TRIM9: variants seen among roughly 807,000 people sequenced by gnomAD.
TRIM9 encodes E3 ubiquitin-protein ligase TRIM9.
In TRIM9, 26 loss-of-function variants were observed where a neutral mutation model predicts 78.3. That is an observed-to-expected ratio of 0.33 (90% CI 0.24 to 0.46). The LOEUF (loss-of-function observed/expected upper bound fraction) is 0.46. Ranked by LOEUF, TRIM9 falls within the 20% of genes least tolerant of loss-of-function variation. The pLI is 1.00. For missense variants in TRIM9, 787 were observed against 1,036.4 expected, an observed-to-expected ratio of 0.76 and a Z score of 3.30; for synonymous variants, 398 against 416.5, an observed-to-expected ratio of 0.96 and a Z score of 0.54.
At position 50,988,855 on chromosome 14, in the gene TRIM9, A is replaced by T. The variant is rs2053101394; in HGVS notation, c.1604-2711T>A. On this transcript the variant is annotated intron_variant, in intron 7 of 12. Coordinates refer to ENST00000684578, the MANE Select transcript of TRIM9 (RefSeq NM_001387360.1). ...TCTATACCACTTCACATTACCTTAG[A>T]TTTCAGGAGTCTTAGAGGGAAGAAA... is the stretch of plus-strand genomic sequence containing the variant. 1.3e-5 allele frequency among the ~76,000 whole-genome samples: 2 copies of T among 152,110 alleles called. 1 individual carries two copies. The highest frequency in any genetic ancestry group is 4.1e-4 in the South Asian group (2 of 4,826).
chr14:51,042,431 T>G (rs1451903500), intron 1 of TRIM9, among the ~76,000 whole-genome samples: 1 of 152,236 alleles, frequency 6.6e-6, no homozygotes, highest in Non-Finnish European at 1.5e-5. Context: ...TCAGTGAAAT[T>G]CACTCACATT....
At chr14:51,027,880 A>T (rs2058396858) in intron 1 of TRIM9, among the ~76,000 whole-genome samples, 2 of 151,596 alleles carry the variant, frequency 1.3e-5, no homozygotes, top group African/African-American at 2.4e-5. Flanking sequence ...GGACTACCAT[A>T]GTTTTCTTCC....
chr14:51,032,860 G>C (rs944158818), intron 1 of TRIM9, among the ~76,000 whole-genome samples: 1 of 152,198 alleles, frequency 6.6e-6, no homozygotes, highest in Non-Finnish European at 1.5e-5. Flanking sequence ...TCCCTGTTCT[G>C]AAAATCCAAA....
intron 1 of TRIM9, among the ~76,000 whole-genome samples, chr14:51,054,805 C>T (rs189651336): frequency 3.9e-4 from 60 of 152,150 alleles, no homozygotes; most frequent in African/African-American, 1.4e-3. Context: ...TCCCAAAGTG[C>T]TGCGATTACA....
intron 1 of TRIM9, among the ~76,000 whole-genome samples, chr14:51,039,103 C>A (rs1327862330): frequency 2.0e-5 from 3 of 152,156 alleles, no homozygotes; most frequent in African/African-American, 7.2e-5. Context: ...AACACCGATG[C>A]AAAGATTGGC....
intron 3 of TRIM9, among the ~76,000 whole-genome samples, chr14:51,018,936 A>C (rs962965151): frequency 3.3e-5 from 5 of 152,268 alleles, no homozygotes; most frequent in Non-Finnish European, 7.3e-5. Context: ...TAGAGAGAAC[A>C]CATTTAAGAC....
intron 1 of TRIM9, among the ~76,000 whole-genome samples, chr14:51,077,673 C>A (rs1246235240): frequency 6.6e-6 from 1 of 152,158 alleles, no homozygotes; most frequent in Non-Finnish European, 1.5e-5. Context: ...GGATTACAGG[C>A]ATGAGTCACC....
At position 51,053,686 on chromosome 14, in the gene TRIM9, C is replaced by T. The variant is rs1414479785; in HGVS notation, c.823-28326G>A. The stretch of plus-strand genomic sequence containing the variant: ...TATGTATACATGTGCCATGTTGGTG[C>T]GCTGCACCCACTAACGTGTCATCTA... On this transcript the variant is annotated intron_variant, in intron 1 of 12. Coordinates refer to ENST00000684578, the MANE Select transcript of TRIM9 (RefSeq NM_001387360.1). 2.1e-4 allele frequency among the ~76,000 whole-genome samples: 31 copies of T among 145,358 alleles called. 1 individual carries two copies. The East Asian group carries it at 3.2e-3, about 15-fold the overall frequency.
intron 1 of TRIM9, among the ~76,000 whole-genome samples, chr14:51,045,599 G>A (rs1464302774): frequency 6.6e-6 from 1 of 152,138 alleles, no homozygotes; most frequent in Non-Finnish European, 1.5e-5. Flanking sequence ...ATCCACATTG[G>A]TAAAGAGTAA....
intron 1 of TRIM9, among the ~76,000 whole-genome samples, chr14:51,058,304 T>G (rs537286252): frequency 4.4e-4 from 67 of 152,306 alleles, no homozygotes; most frequent in Non-Finnish European, 8.7e-4. Context: ...ACTCAGGTGA[T>G]GTGAGGCTCA....
At chr14:50,991,773 G>C (rs187387399) in intron 7 of TRIM9, among the ~76,000 whole-genome samples, 1 of 152,320 alleles carries the variant, frequency 6.6e-6, no homozygotes, top group Non-Finnish European at 1.5e-5. Context: ...GTCCTCAGCT[G>C]TAAGTCCATG....
At chr14:51,058,222 T>C (rs2061043885) in intron 1 of TRIM9, among the ~76,000 whole-genome samples, 1 of 152,186 alleles carries the variant, frequency 6.6e-6, no homozygotes, top group Non-Finnish European at 1.5e-5. Flanking sequence ...GGCACAATCA[T>C]GGAACTCAGA....
At chr14:50,997,110 T>A in intron 7 of TRIM9, 1 of 984,890 alleles carries the variant, frequency 1.0e-6, no homozygotes, top group Non-Finnish European at 1.2e-6. Context: ...GGTGGGGGGG[T>A]GATTTCTTTG....
At position 51,009,111 on chromosome 14, in the gene TRIM9, G is replaced by A; in HGVS notation, c.1275C>T (p.Ser425=). The part of the protein sequence containing the change: ...LSLDNSPLLQ[S]IHQLDFVQVK... ...CTTGCACGAAATCCAGCTGGTGGAT[G>A]GATTGCAGCAGAGGGCTGTTGTCCA... The change falls in exon 5 of 13, where the codon TCC becomes TCT. Residue 425 remains serine (S), a synonymous_variant. Coordinates refer to ENST00000684578, the MANE Select transcript of TRIM9 (RefSeq NM_001387360.1). 1 of 1,614,056 alleles carries A rather than the reference G, an allele frequency of 6.2e-7. No homozygotes were observed. The highest frequency in any genetic ancestry group is 8.5e-7 in the Non-Finnish European group (1 of 1,179,936).
intron 7 of TRIM9, chr14:50,996,531 C>T: frequency 2.0e-6 from 2 of 985,414 alleles, no homozygotes; most frequent in Non-Finnish European, 1.2e-6. Context: ...CACATATTAG[C>T]AACATTGCTA....
Position 50,978,758 on chromosome 14 carries a change from G to GTTT in TRIM9, c.2325+626_2325+628dup, listed in dbSNP as rs56170539. The GTTT allele has an allele frequency of 5.8e-4, 214 of 366,688 alleles. 1 individual carries two copies. The highest frequency in any genetic ancestry group is 6.7e-4 in the South Asian group (6 of 8,910). 22.7% of individuals were successfully genotyped at this position (366,688 alleles called of 1,614,324 possible). The stretch of plus-strand genomic sequence containing the variant: ...TTCTATGAAGGCAAGATTTTTATCT[G>GTTT]TTTTTTTGTTTTTTTTTTTCACTGA... On this transcript the variant is annotated intron_variant, in intron 12 of 12. Transcript: ENST00000684578.
At position 51,094,918 on chromosome 14, in the gene TRIM9, A is replaced by C; in HGVS notation, c.22T>G (p.Leu8Val). Residue 8 changes from leucine to valine, a missense_variant, in exon 1 of 13, where the codon TTG becomes GTG. By Grantham distance (32) the Leu-to-Val change is conservative. Coordinates refer to ENST00000684578, the MANE Select transcript of TRIM9 (RefSeq NM_001387360.1). ...AAGGAGCCGCACACGGGGCATTTCA[A>C]CTCCTCTTCCATCTCCTCCATGGGG... MEEMEEE[L>V]KCPVCGSFYR... The C allele has an allele frequency of 1.3e-6, 2 of 1,489,796 alleles. No individual in the cohort carries two copies. Among genetic ancestry groups the C allele is most frequent in the Non-Finnish European group, 8.9e-7 (1 of 1,119,826 alleles). 92.3% of individuals were successfully genotyped at this position (1,489,796 alleles called of 1,614,324 possible). A position where few individuals can be genotyped will look rare whatever the true frequency, so the allele number is the denominator to read the frequency against.
chr14:50,997,054 C>A (rs962254637), intron 7 of TRIM9: 80 of 985,254 alleles, frequency 8.1e-5, no homozygotes, highest in Non-Finnish European at 9.5e-5. Context: ...TGAACAAAAT[C>A]AACATAATTA....
At chr14:51,055,725 A>G (rs145816476) in intron 1 of TRIM9, among the ~76,000 whole-genome samples, 1 of 152,362 alleles carries the variant, frequency 6.6e-6, no homozygotes, top group African/African-American at 2.4e-5. Flanking sequence ...CCCATGTCAG[A>G]CTTCTAGCCT....
Sources: gnomAD v4.1 joint callset for allele counts (sites outside exome capture counted in the v4.1 genomes callset) on GRCh38, gnomAD v4.1.1 for gene constraint, MANE v1.5 for transcripts, NCBI Gene and HGNC (gene_info 2026-07-23, HGNC 2026-07-21) for gene names.